The following DOK5 variants were observed in gnomAD, a reference collection of about 807,000 sequenced individuals.
DOK5 encodes the protein downstream of tyrosine kinase 5.
Under a neutral mutation model 43.3 loss-of-function variants are expected in DOK5, and 27 were observed. That is an observed-to-expected ratio of 0.62 (90% confidence interval 0.46 to 0.86). DOK5 has a LOEUF of 0.86. Ranked by LOEUF, DOK5 falls within the 40% of genes least tolerant of loss-of-function variation. DOK5 has a pLI of 0.00. For missense variants in DOK5, 373 were observed against 392.9 expected (o/e 0.95, Z 0.43); for synonymous variants, 146 against 140.1 (o/e 1.04, Z -0.30).
chr20:54,560,036 G>A (rs1284752378), intron 2 of DOK5, among the ~76,000 whole-genome samples: 1 of 152,074 alleles, frequency 6.6e-6, no homozygotes, highest in African/African-American at 2.4e-5. Flanking sequence ...CTTGTTCTTC[G>A]TTTCTGCAAA....
intron 1 of DOK5, among the ~76,000 whole-genome samples, chr20:54,529,074 A>G (rs1162638032): frequency 6.6e-6 from 1 of 152,188 alleles, no homozygotes; most frequent in African/African-American, 2.4e-5. Flanking sequence ...GTGCATACAC[A>G]ATTTGGATTT....
chr20:54,520,981 C>T (rs1983373088), intron 1 of DOK5, among the ~76,000 whole-genome samples: 1 of 152,012 alleles, frequency 6.6e-6, no homozygotes, highest in African/African-American at 2.4e-5. Flanking sequence ...GACACACTTG[C>T]CCCAGGGTCT....
intron 6 of DOK5, among the ~76,000 whole-genome samples, chr20:54,620,893 G>A (rs1300532659): frequency 6.6e-6 from 1 of 152,106 alleles, no homozygotes; most frequent in Non-Finnish European, 1.5e-5. Flanking sequence ...TTCTTGCGGA[G>A]CTTATTTGTA....
chr20:54,533,685 A>AT (rs1238211809), intron 1 of DOK5, among the ~76,000 whole-genome samples: 2 of 151,934 alleles, frequency 1.3e-5, no homozygotes, highest in Admixed American at 6.6e-5. Flanking sequence ...GAATGACAGT[A>AT]TTTTTTTTAC....
At chr20:54,621,322 A>T (rs1293514588) in intron 6 of DOK5, among the ~76,000 whole-genome samples, 1 of 152,188 alleles carries the variant, frequency 6.6e-6, no homozygotes, top group East Asian at 1.9e-4. Flanking sequence ...ACAGTGGTTG[A>T]GTTTCTGGCA....
intron 6 of DOK5, among the ~76,000 whole-genome samples, chr20:54,637,910 C>G (rs1287258456): frequency 6.6e-6 from 1 of 152,174 alleles, no homozygotes; most frequent in Non-Finnish European, 1.5e-5. Context: ...ATCACAAGGT[C>G]AGGAGATCAA....
intron 5 of DOK5, among the ~76,000 whole-genome samples, chr20:54,595,783 TCTTA>T (rs1389179491): frequency 6.6e-6 from 1 of 152,230 alleles, no homozygotes; most frequent in Non-Finnish European, 1.5e-5. Context: ...ATGCTTAGCA[TCTTA>T]CTTCTCAAAC....
chr20:54,628,407 TCAAAAAAAAAAAAAAAA>T (rs1978403624), intron 6 of DOK5, among the ~76,000 whole-genome samples: 1 of 28,950 alleles, frequency 3.5e-5, no homozygotes, highest in East Asian at 1.9e-3. Flanking sequence ...AGACTCCGTC[TCAAAAAAAAAAAAAAAA>T]AAAAAAAAAA....
intron 6 of DOK5, among the ~76,000 whole-genome samples, chr20:54,611,089 G>A (rs1986636404): frequency 6.6e-6 from 1 of 152,156 alleles, no homozygotes. Context: ...AACACTTTGT[G>A]GGTCAAAGAG....
chr20:54,642,549 C>CAAAAAAAA (rs66463305), intron 6 of DOK5, among the ~76,000 whole-genome samples: 71 of 96,346 alleles, frequency 7.4e-4, no homozygotes, highest in Non-Finnish European at 9.7e-4. Flanking sequence ...ACTAAAAATA[C>CAAAAAAAA]AAAAAAAAAA....
At chr20:54,647,398 G>A (rs758739070) in intron 7 of DOK5, among the ~76,000 whole-genome samples, 2 of 151,836 alleles carry the variant, frequency 1.3e-5, no homozygotes, top group Non-Finnish European at 2.9e-5. Flanking sequence ...CCAGCTACTC[G>A]GAAAGCTGAG....
chr20:54,492,115 T>G (rs2146669102), intron 1 of DOK5, among the ~76,000 whole-genome samples: 1 of 152,054 alleles, frequency 6.6e-6, no homozygotes, highest in South Asian at 2.1e-4. Context: ...ACCAGTATTT[T>G]ATATTACATA....
chr20:54,559,340 C>T (rs1235388143), intron 2 of DOK5, among the ~76,000 whole-genome samples: 1 of 152,134 alleles, frequency 6.6e-6, no homozygotes, highest in African/African-American at 2.4e-5. Flanking sequence ...GCTTTGCCAC[C>T]GTATATGTCT....
rs6023286 is a variant in DOK5 at position 54,492,367 on chromosome 20, G to T, written c.66+16355G>T. ...TATTATATACTTTGTCCCTTTTAACGTATGTTGAAACACTTTTCAAAAATT... is the reference window on the plus strand; with the variant it reads ...TATTATATACTTTGTCCCTTTTAACTTATGTTGAAACACTTTTCAAAAATT... On this transcript the variant is annotated intron_variant, in intron 1 of 7. Coordinates refer to ENST00000262593, the MANE Select transcript of DOK5 (RefSeq NM_018431.5). Among the ~76,000 whole-genome samples, 637 of 151,992 alleles carry T rather than the reference G, an allele frequency of 4.2e-3. 3 individuals carry two copies. Among genetic ancestry groups the T allele is most frequent in the African/African-American group, 0.015 (607 of 41,430 alleles).
chr20:54,517,494 G>T (rs769470562), intron 1 of DOK5, among the ~76,000 whole-genome samples: 1 of 152,138 alleles, frequency 6.6e-6, no homozygotes, highest in Non-Finnish European at 1.5e-5. Flanking sequence ...TGTAAGCTGG[G>T]TGGCTTTGGG....
intron 6 of DOK5, among the ~76,000 whole-genome samples, chr20:54,619,313 G>A (rs996523127): frequency 3.3e-5 from 5 of 151,802 alleles, no homozygotes; most frequent in Non-Finnish European, 5.9e-5. Flanking sequence ...CAGCTGCCTT[G>A]CTGGAGAAGC....
intron 6 of DOK5, among the ~76,000 whole-genome samples, chr20:54,633,267 C>A (rs1978655279): frequency 6.6e-6 from 1 of 152,094 alleles, no homozygotes; most frequent in Non-Finnish European, 1.5e-5. Flanking sequence ...ATATTATTTT[C>A]ACAAGAGAAT....
At chr20:54,506,867 G>A (rs912254541) in intron 1 of DOK5, among the ~76,000 whole-genome samples, 7 of 152,176 alleles carry the variant, frequency 4.6e-5, no homozygotes, top group African/African-American at 9.7e-5. Flanking sequence ...GCGATCATAC[G>A]CGAGGTCACT....
At chr20:54,516,485 C>T (rs1051827364) in intron 1 of DOK5, among the ~76,000 whole-genome samples, 2 of 152,154 alleles carry the variant, frequency 1.3e-5, no homozygotes, top group African/African-American at 4.8e-5. Flanking sequence ...TTTGTAAATA[C>T]TCTAGCTTTA....
Sources: allele counts gnomAD v4.1 joint callset (sites outside exome capture counted in the v4.1 genomes callset), GRCh38; gene constraint gnomAD v4.1.1; transcripts MANE v1.5; gene names NCBI Gene and HGNC (gene_info 2026-07-23, HGNC 2026-07-21).